The following CRYBG1 variants were observed in gnomAD, a reference collection of about 807,000 sequenced individuals.
CRYBG1 encodes beta/gamma crystallin domain-containing protein 1.
CRYBG1 carries 139 observed loss-of-function variants against 189.2 expected under a neutral mutation model. That is an observed-to-expected ratio of 0.73 (90% CI 0.64 to 0.85). The LOEUF is 0.85. CRYBG1 is among the 40% of genes least tolerant of loss of function. The pLI is 0.00. For synonymous variants in CRYBG1, 1,023 were observed against 1,017.1 expected (o/e 1.01, Z -0.11); for missense variants, 2,611 against 2,675.8 (o/e 0.98, Z 0.53).
At chr6:106,510,603 TCCC>T (rs1211507351) in intron 2 of CRYBG1, among the ~76,000 whole-genome samples, 10 of 152,006 alleles carry the variant, frequency 6.6e-5, no homozygotes, top group Non-Finnish European at 1.2e-4. Flanking sequence ...GAGGAACGGG[TCCC>T]GGGGCGGAGT....
chr6:106,368,435 C>T (rs1459115982), intron 1 of CRYBG1, among the ~76,000 whole-genome samples: 1 of 152,202 alleles, frequency 6.6e-6, no homozygotes, highest in Admixed American at 6.5e-5. Context: ...GTGTGTTCTT[C>T]TGTCTACCTT....
intron 2 of CRYBG1, among the ~76,000 whole-genome samples, chr6:106,472,548 T>A (rs1349932431): frequency 6.6e-6 from 1 of 152,102 alleles, no homozygotes; most frequent in African/African-American, 2.4e-5. Context: ...TTATTATTAT[T>A]ATAGAAAAAG....
chr6:106,555,527 CAGAA>C (rs1774515159), intron 16 of CRYBG1, among the ~76,000 whole-genome samples: 1 of 152,104 alleles, frequency 6.6e-6, no homozygotes, highest in Non-Finnish European at 1.5e-5. Context: ...CTGGGGAAGT[CAGAA>C]AGAACGTGGA....
At chr6:106,386,049 C>G (rs563359497) in intron 1 of CRYBG1, among the ~76,000 whole-genome samples, 1 of 152,308 alleles carries the variant, frequency 6.6e-6, no homozygotes, top group Non-Finnish European at 1.5e-5. Context: ...TACTTGGTCT[C>G]CACGTGGCGA....
intron 13 of CRYBG1, among the ~76,000 whole-genome samples, chr6:106,548,687 T>C (rs1158512900): frequency 1.3e-5 from 2 of 152,170 alleles, no homozygotes; most frequent in Admixed American, 1.3e-4. Context: ...ACTTCTTTAA[T>C]TGTTCGTTGT....
intron 2 of CRYBG1, among the ~76,000 whole-genome samples, chr6:106,462,230 G>C (rs2114454179): frequency 6.6e-6 from 1 of 152,290 alleles, no homozygotes; most frequent in East Asian, 1.9e-4. Context: ...GAGTGCAGTG[G>C]CGCTATCTCG....
chr6:106,422,067 C>T (rs976500109), intron 1 of CRYBG1, among the ~76,000 whole-genome samples: 2 of 152,176 alleles, frequency 1.3e-5, no homozygotes, highest in African/African-American at 4.8e-5. Context: ...GGACACAGAG[C>T]CAAACCATAT....
intron 9 of CRYBG1, 170 bp from the exon 10 acceptor site, chr6:106,541,416 C>T (rs1369969928): frequency 1.3e-5 from 9 of 706,720 alleles, no homozygotes; most frequent in Middle Eastern, 4.8e-4. Flanking sequence ...CTGCCTTCCT[C>T]GTGTCTTCAT....
intron 8 of CRYBG1, among the ~76,000 whole-genome samples, chr6:106,533,689 A>G (rs937242969): frequency 1.3e-5 from 2 of 152,330 alleles, no homozygotes; most frequent in Admixed American, 6.5e-5. Context: ...AGACATGCCC[A>G]GGGTTTGGAA....
At chr6:106,461,286 T>C (rs1009679711) in intron 2 of CRYBG1, among the ~76,000 whole-genome samples, 2 of 152,188 alleles carry the variant, frequency 1.3e-5, no homozygotes, top group African/African-American at 4.8e-5. Context: ...ATGTAAGGAA[T>C]TGCTAATGAT....
chr6:106,523,058 C>A (rs549468618), intron 4 of CRYBG1, among the ~76,000 whole-genome samples: 89 of 152,250 alleles, frequency 5.8e-4, no homozygotes, highest in African/African-American at 2.1e-3. Context: ...CACACTGCAC[C>A]AGTGCTCAGA....
chr6:106,530,101 A>T, intron 7 of CRYBG1, 75 bp from the exon 8 acceptor site: 1 of 1,311,186 alleles, frequency 7.6e-7, no homozygotes. Flanking sequence ...AGTTGTAAGA[A>T]GAAGAAGAAT....
intron 1 of CRYBG1, among the ~76,000 whole-genome samples, chr6:106,432,745 C>T (rs1017876453): frequency 1.3e-5 from 2 of 152,328 alleles, no homozygotes; most frequent in African/African-American, 2.4e-5. Flanking sequence ...GCCTTTGAGG[C>T]CCCTCCATTA....
rs1774264360 is a variant in CRYBG1 at position 106,546,298 on chromosome 6, T to C, written c.5312+1365T>C. On this transcript the variant is annotated intron_variant, in intron 13 of 21. Transcript: ENST00000633556. ...TTCTTGTAATCCAGGCTAATGTCTATTCTAATTTGTTATAAGTGAGAGTAT... is the reference window on the plus strand; with the variant it reads ...TTCTTGTAATCCAGGCTAATGTCTACTCTAATTTGTTATAAGTGAGAGTAT... Among the ~76,000 whole-genome samples the C allele has an allele frequency of 2.0e-5, 3 of 152,258 alleles. 1 individual carries two copies. The highest frequency in any genetic ancestry group is 2.0e-4 in the Admixed American group (3 of 15,292).
intron 2 of CRYBG1, among the ~76,000 whole-genome samples, chr6:106,495,370 C>T (rs1021753403): frequency 1.3e-5 from 2 of 152,152 alleles, no homozygotes; most frequent in African/African-American, 4.8e-5. Flanking sequence ...TTCCCATATT[C>T]TCTTGGTGTA....
In CRYBG1 at chr6:106,570,948, A is replaced by C. The variant is rs962655640; in HGVS notation, c.*2382A>C. On this transcript the variant is annotated 3_prime_UTR_variant, in exon 22 of 22. Coordinates refer to ENST00000633556, the MANE Select transcript of CRYBG1 (RefSeq NM_001371242.2). ...AATACTGAGGATGAGTATATTAGGA[A>C]GTAAAAACACTTACCGTAAATGAAT... 3 of 152,214 alleles carry C rather than the reference A, an allele frequency of 2.0e-5. No homozygotes were observed. The allele number at this position is 152,214 out of a possible 1,614,324, so 9.4% of individuals were successfully genotyped here.
Position 106,519,640 on chromosome 6 carries a change from A to C in CRYBG1, c.2432A>C (p.Lys811Thr). The C allele has an allele frequency of 6.2e-7, 1 of 1,614,216 alleles. No individual in the cohort carries two copies. Residue 811 changes from lysine (K) to threonine (T), a missense_variant, in exon 4 of 22, where the codon AAG (lysine) becomes ACG (threonine). Lys to Thr is a moderately conservative substitution (Grantham distance 78, BLOSUM62 -1). Transcript: ENST00000633556. ...ASALIPVKDH[K>T]LLEKEDSEAA... Reference sequence around the variant, plus strand: ...GCTCTGATTCCTGTCAAGGATCATAAGCTCTTAGAGAAGGAGGACTCAGAG... The same window carrying C: ...GCTCTGATTCCTGTCAAGGATCATACGCTCTTAGAGAAGGAGGACTCAGAG...
intron 8 of CRYBG1, among the ~76,000 whole-genome samples, chr6:106,537,012 A>T (rs373283606): frequency 6.6e-6 from 1 of 152,206 alleles, no homozygotes; most frequent in Non-Finnish European, 1.5e-5. Context: ...GGCCTTCAGC[A>T]CTCATTTACT....
At chr6:106,559,187 A>G (rs1280666149) in intron 18 of CRYBG1, among the ~76,000 whole-genome samples, 2 of 152,168 alleles carry the variant, frequency 1.3e-5, no homozygotes, top group Non-Finnish European at 2.9e-5. Flanking sequence ...TCTAGCAAGT[A>G]AGAAAGAGCT....
Sources: allele counts gnomAD v4.1 joint callset (sites outside exome capture counted in the v4.1 genomes callset), GRCh38; gene constraint gnomAD v4.1.1; transcripts MANE v1.5; gene names NCBI Gene and HGNC (gene_info 2026-07-23, HGNC 2026-07-21).